Variants in DNM1L observed in about 807,000 individuals in gnomAD.
The protein encoded by DNM1L is dynamin-1-like protein.
A neutral mutation model predicts 92.8 loss-of-function variants in DNM1L; 33 were observed. That is an observed-to-expected ratio of 0.36 (90% confidence interval 0.27 to 0.48). The LOEUF (loss-of-function observed/expected upper bound fraction) is 0.48, where lower values mean the gene tolerates loss of function less well. DNM1L is among the 20% of genes least tolerant of loss of function. DNM1L has a pLI of 0.99. For synonymous variants in DNM1L, 284 were observed against 305.0 expected (o/e 0.93, Z 0.72); for missense variants, 485 against 888.8 (o/e 0.55, Z 5.78).
intron 16 of DNM1L, among the ~76,000 whole-genome samples, chr12:32,738,998 C>G (rs540186134): frequency 4.3e-4 from 65 of 152,278 alleles, no homozygotes; most frequent in African/African-American, 1.3e-3. Context: ...CATGACGTCA[C>G]ACTGAATGTG....
In DNM1L at chr12:32,738,365, C is replaced by T. The variant is rs558932421; in HGVS notation, c.1707+69C>T. The T allele has an allele frequency of 6.5e-6, 10 of 1,527,654 alleles. No individual in the cohort carries two copies. The African/African-American group carries it at 1.4e-4, about 21-fold the overall frequency. 94.6% of individuals were successfully genotyped at this position (1,527,654 alleles called of 1,614,324 possible). On this transcript the variant is annotated intron_variant, in intron 16 of 19. Coordinates refer to ENST00000549701, the MANE Select transcript of DNM1L (RefSeq NM_012062.5). ...CTCACTGAAACACTGTCTATACCACCATTAAAGAACCTGTTTGTGTAGTGG... is the reference window on the plus strand; with the variant it reads ...CTCACTGAAACACTGTCTATACCACTATTAAAGAACCTGTTTGTGTAGTGG...
At position 32,705,784 on chromosome 12, in the gene DNM1L, A is replaced by G. The variant is rs371084573; in HGVS notation, c.251-1583A>G. 15 of 1,562,502 alleles carry G rather than the reference A, an allele frequency of 9.6e-6. No homozygotes were observed. The Admixed American group carries it at 2.3e-4, about 24-fold the overall frequency. On this transcript the variant is annotated intron_variant, in intron 2 of 19. Coordinates refer to ENST00000549701, the MANE Select transcript of DNM1L (RefSeq NM_012062.5). ...TAATAAGGTTTAAAATTTTAGGGAT[A>G]AGCACTAAACTTATTCTGTGCTGTT...
At chr12:32,689,669 T>C (rs1051746471) in intron 1 of DNM1L, among the ~76,000 whole-genome samples, 10 of 109,062 alleles carry the variant, frequency 9.2e-5, no homozygotes, top group African/African-American at 3.1e-4. Flanking sequence ...AATAAAGAAT[T>C]GAGAGGTCTG....
At chr12:32,696,257 C>T (rs1952443605) in intron 1 of DNM1L, among the ~76,000 whole-genome samples, 1 of 151,996 alleles carries the variant, frequency 6.6e-6, no homozygotes, top group African/African-American at 2.4e-5. Flanking sequence ...AAATCAGGGC[C>T]AGGTGTGGTA....
At chr12:32,679,791 G>A (rs1951735405) in intron 1 of DNM1L, 1 of 1,040,182 alleles carries the variant, frequency 9.6e-7, no homozygotes, top group Admixed American at 5.6e-5. Context: ...GACCGGGCGC[G>A]GCCTCGTCCG....
At chr12:32,710,174 G>C (rs999087030) in intron 4 of DNM1L, among the ~76,000 whole-genome samples, 1 of 152,144 alleles carries the variant, frequency 6.6e-6, no homozygotes, top group Non-Finnish European at 1.5e-5. Context: ...GAAAATACAC[G>C]TTACCTCTCA....
intron 4 of DNM1L, chr12:32,709,396 C>G (rs963962614): frequency 5.3e-5 from 8 of 152,188 alleles, no homozygotes; most frequent in African/African-American, 1.9e-4. Context: ...TAATTTTACA[C>G]AGTACCAGAA....
intron 2 of DNM1L, among the ~76,000 whole-genome samples, chr12:32,704,393 T>C (rs569889585): frequency 6.6e-6 from 1 of 151,722 alleles, no homozygotes; most frequent in Non-Finnish European, 1.5e-5. Flanking sequence ...CTACTAAAAA[T>C]ACAAAAATAA....
At position 32,707,411 on chromosome 12, in the gene DNM1L, A is replaced by C. The variant is rs1489365981; in HGVS notation, c.295A>C (p.Lys99Gln). ...GGGTAAATTTCTTCACACCAAAAAT[A>C]AGGTAATCACACATGCATATAATGA... ...EWGKFLHTKN[K>Q]LYTDFDEIRQ... The change falls in exon 3 of 20, where the codon AAG becomes CAG. Residue 99 changes from lysine to glutamine, a missense_variant and splice_region_variant. Lys to Gln is a moderately conservative substitution (Grantham distance 53). Around this residue, in one of 11 missense-constraint regions of DNM1L, gnomAD observed 159 missense variants for 275.9 expected, o/e 0.58. Transcript: ENST00000549701. The C allele has an allele frequency of 1.1e-5, 18 of 1,604,004 alleles. No homozygotes were observed. Among genetic ancestry groups the C allele is most frequent in the Non-Finnish European group, 1.4e-5 (17 of 1,175,266 alleles).
intron 12 of DNM1L, chr12:32,733,464 A>C (rs1954693110): frequency 1.3e-5 from 6 of 446,364 alleles, no homozygotes; most frequent in Non-Finnish European, 2.0e-5. Context: ...AAATACTTGT[A>C]GTTACTTTAA....
intron 3 of DNM1L, among the ~76,000 whole-genome samples, chr12:32,707,899 C>T (rs910787220): frequency 2.0e-5 from 3 of 150,916 alleles, no homozygotes; most frequent in Non-Finnish European, 2.9e-5. Flanking sequence ...TGCAGTGAGC[C>T]GTGATTGTGC....
At chr12:32,684,022 T>C (rs993209684) in intron 1 of DNM1L, among the ~76,000 whole-genome samples, 5 of 152,220 alleles carry the variant, frequency 3.3e-5, no homozygotes, top group Middle Eastern at 3.2e-3. Context: ...TTTAAAAATT[T>C]AACATTAAAA....
chr12:32,735,498 T>TTAA (rs1954809561), intron 13 of DNM1L, among the ~76,000 whole-genome samples: 1 of 152,194 alleles, frequency 6.6e-6, no homozygotes, highest in Admixed American at 6.5e-5. Context: ...TCTATACTTT[T>TTAA]ATTATCTGTT....
intron 2 of DNM1L, among the ~76,000 whole-genome samples, chr12:32,703,354 T>G (rs1952789757): frequency 6.6e-6 from 1 of 152,074 alleles, no homozygotes; most frequent in South Asian, 2.1e-4. Context: ...AAATGACAAC[T>G]CAACTACCCC....
At chr12:32,691,686 T>C (rs1952241646) in intron 1 of DNM1L, among the ~76,000 whole-genome samples, 1 of 152,070 alleles carries the variant, frequency 6.6e-6, no homozygotes, top group Non-Finnish European at 1.5e-5. Context: ...AAAAGGCAGA[T>C]CAAAAACATA....
chr12:32,709,426 T>G (rs1338994285), intron 4 of DNM1L: 1 of 152,176 alleles, frequency 6.6e-6, no homozygotes, highest in Non-Finnish European at 1.5e-5. Context: ...TTGTGATGAT[T>G]CAGAAATGTT....
intron 1 of DNM1L, among the ~76,000 whole-genome samples, chr12:32,688,747 C>T (rs777954618): frequency 1.2e-4 from 19 of 152,096 alleles, no homozygotes; most frequent in Admixed American, 4.6e-4. Flanking sequence ...TTTTCACAGA[C>T]GATAATTCTG....
At chr12:32,700,595 A>AT (rs1248648467) in intron 1 of DNM1L, among the ~76,000 whole-genome samples, 7 of 151,988 alleles carry the variant, frequency 4.6e-5, no homozygotes, top group Non-Finnish European at 7.4e-5. Context: ...AAATACAAAA[A>AT]TTAGCCAGGT....
At chr12:32,697,975 A>C (rs1293253685) in intron 1 of DNM1L, among the ~76,000 whole-genome samples, 1 of 148,554 alleles carries the variant, frequency 6.7e-6, no homozygotes, top group Non-Finnish European at 1.5e-5. Flanking sequence ...TGAAAATCAG[A>C]GAATTTGATT....
Sources: allele counts gnomAD v4.1 joint callset (sites outside exome capture counted in the v4.1 genomes callset), GRCh38; gene constraint gnomAD v4.1.1; regional missense constraint gnomAD v4.1.1; transcripts MANE v1.5; gene names NCBI Gene and HGNC (gene_info 2026-07-23, HGNC 2026-07-21).